Variants in RTEL1 observed in about 807,000 individuals in gnomAD.
RTEL1 encodes the protein regulator of telomere length.
A neutral mutation model predicts 162.2 loss-of-function variants in RTEL1; 86 were observed. The ratio of observed to expected loss-of-function variants is 0.53; its 90% CI spans 0.45 to 0.63. The LOEUF is 0.63. Ranked by LOEUF, RTEL1 falls within the 30% of genes least tolerant of loss-of-function variation. The pLI, the probability that RTEL1 is intolerant of heterozygous loss-of-function variation, is 0.00. For missense variants in RTEL1, 1,941 were observed against 1,750.2 expected (o/e 1.11, Z -1.95); for synonymous variants, 958 against 717.9 (o/e 1.33, Z -5.35).
chr20:63,686,215 G>T (rs1260130773), intron 16 of RTEL1, among the ~76,000 whole-genome samples: 2 of 152,370 alleles, frequency 1.3e-5, no homozygotes, highest in Non-Finnish European at 1.5e-5. Context: ...TCTGCCTGCT[G>T]CCTCCACGCA....
At chr20:63,677,472 G>C (rs530295216) in intron 10 of RTEL1, among the ~76,000 whole-genome samples, 2 of 152,116 alleles carry the variant, frequency 1.3e-5, no homozygotes, top group Non-Finnish European at 2.9e-5. Flanking sequence ...AAAATTAGCC[G>C]GGCATGGTGG....
chr20:63,667,462 T>A lies in RTEL1; in HGVS notation c.615-7T>A. On this transcript the variant is annotated splice_region_variant and splice_polypyrimidine_tract_variant and intron_variant, in intron 7 of 34. Coordinates refer to ENST00000360203, the MANE Select transcript of RTEL1 (RefSeq NM_001283009.2). ...GCTCACAGGATCTTCTCCTCTCTCC[T>A]TCCCAGGGTGTGCCCTTACTACCTG... 6.2e-7 allele frequency: 1 copy of A among 1,611,402 alleles called. No individual in the cohort carries two copies. Among genetic ancestry groups the A allele is most frequent in the East Asian group, 2.2e-5 (1 of 44,840 alleles).
At position 63,662,793 on chromosome 20, in the gene RTEL1, G is replaced by A. The variant is rs750799803; in HGVS notation, c.478-36G>A. ...GACTGGCTTCGGTCCTTTCTTGGCC[G>A]TGCTTCAGCTGCGCACTCTGCCCTT... is the stretch of plus-strand genomic sequence containing the variant. On this transcript the variant is annotated intron_variant, in intron 5 of 34. Coordinates refer to ENST00000360203, the MANE Select transcript of RTEL1 (RefSeq NM_001283009.2). 22 of 1,612,292 alleles carry A rather than the reference G, an allele frequency of 1.4e-5. No homozygotes were observed. The East Asian group carries it at 3.3e-4, about 24-fold the overall frequency.
chr20:63,677,565 A>G (rs1465073158), intron 10 of RTEL1, among the ~76,000 whole-genome samples: 1 of 152,224 alleles, frequency 6.6e-6, no homozygotes, highest in African/African-American at 2.4e-5. Context: ...GTGAGCAGAG[A>G]TGGCGCTGCT....
chr20:63,681,531 G>A, intron 14 of RTEL1: 6 of 985,224 alleles, frequency 6.1e-6, no homozygotes, highest in Non-Finnish European at 7.2e-6. Context: ...CTTCATGAGT[G>A]TCCATCTGGC....
In RTEL1 at chr20:63,681,086, C is replaced by T. The variant is rs79669929; in HGVS notation, c.1191+367C>T. ...GCAGATGAAGAGCTCTGGACACACG[C>T]GGCTTCCTGAACAGCTTCTCCAGGG... On this transcript the variant is annotated intron_variant, in intron 14 of 34. Transcript: ENST00000360203. 6.8e-4 allele frequency: 668 copies of T among 985,436 alleles called. 8 individuals carry two copies. In the East Asian group the frequency reaches 0.027, roughly 40 times the overall value. The allele number at this position is 985,436 out of a possible 1,614,324, so 61.0% of individuals were successfully genotyped here. A position where few individuals can be genotyped will look rare whatever the true frequency, so the allele number is the denominator to read the frequency against.
chr20:63,694,287 C>A, intron 30 of RTEL1, 85 bp from the exon 31 acceptor site: 1 of 1,162,260 alleles, frequency 8.6e-7, no homozygotes, highest in South Asian at 1.2e-5. Flanking sequence ...TGAGGCCTGG[C>A]CTCCCTAGCC....
chr20:63,685,406 G>A, intron 14 of RTEL1, 117 bp from the exon 15 acceptor site: 2 of 1,022,006 alleles, frequency 2.0e-6, no homozygotes, highest in Non-Finnish European at 2.9e-6. Context: ...ATGATGGCAG[G>A]GGCCGGTGAA....
rs766018954 is a variant in RTEL1, at chr20:63,693,287, A to C, written c.2992+4A>C. On this transcript the variant is annotated splice_donor_region_variant and intron_variant, in intron 30 of 34. Transcript: ENST00000360203. The stretch of plus-strand genomic sequence containing the variant: ...CAGCCGGTCCTGGACCCCACTGGTA[A>C]ATGGGGCCCCAGGTGGGACCCTCAG... The C allele has an allele frequency of 6.2e-7, 1 of 1,611,454 alleles. No homozygotes were observed. Among genetic ancestry groups the C allele is most frequent in the Non-Finnish European group, 8.5e-7 (1 of 1,179,286 alleles).
intron 9 of RTEL1, 36 bp from the exon 10 acceptor site, chr20:63,673,904 C>G (rs2090294870): frequency 6.3e-7 from 1 of 1,583,486 alleles, no homozygotes; most frequent in Non-Finnish European, 8.6e-7. Context: ...CGATCCTGTC[C>G]TGTTCTGTGG....
Position 63,688,566 on chromosome 20 carries a change from G to A in RTEL1, c.1761G>A (p.Pro587=), listed in dbSNP as rs116900568. ...DLARKMEALK[P]LFVEPRSKGS... ...CCAGGAAGATGGAGGCGCTGAAGCCGCTGTTTGTGGAGCCCAGGAGCAAAG... is the reference window on the plus strand; with the variant it reads ...CCAGGAAGATGGAGGCGCTGAAGCCACTGTTTGTGGAGCCCAGGAGCAAAG... The change falls in exon 21 of 35, where the codon CCG becomes CCA. Residue 587 remains proline, a synonymous_variant. Coordinates refer to ENST00000360203, the MANE Select transcript of RTEL1 (RefSeq NM_001283009.2). 5,690 of 1,610,322 alleles carry A rather than the reference G, an allele frequency of 3.5e-3. 31 individuals are homozygous for A. Among genetic ancestry groups the A allele is most frequent in the Middle Eastern group, 0.021 (116 of 5,640 alleles).
chr20:63,688,928 A>G, intron 21 of RTEL1, 127 bp from the exon 22 acceptor site: 3 of 848,586 alleles, frequency 3.5e-6, no homozygotes, highest in Non-Finnish European at 5.7e-6. Context: ...AGAAGCTTCC[A>G]GAACCCGATT....
At chr20:63,680,525 C>G (rs1024538327) in intron 13 of RTEL1, 139 bp from the exon 14 acceptor site, 1 of 839,162 alleles carries the variant, frequency 1.2e-6, no homozygotes, top group Admixed American at 2.3e-5. Context: ...ATGGATGCTG[C>G]GCTCCACCCT....
At chr20:63,676,871 G>C (rs961509696) in intron 10 of RTEL1, among the ~76,000 whole-genome samples, 9 of 152,078 alleles carry the variant, frequency 5.9e-5, no homozygotes, top group Middle Eastern at 3.4e-3. Context: ...GGAGGCGGAG[G>C]TTGCAGTGAG....
In RTEL1 at chr20:63,668,075, C is replaced by G. The variant is rs2090172971; in HGVS notation, c.699+522C>G. On this transcript the variant is annotated intron_variant, in intron 8 of 34. Coordinates refer to ENST00000360203, the MANE Select transcript of RTEL1 (RefSeq NM_001283009.2). The surrounding 1 kb of genome is among the most constrained non-coding windows in gnomAD (Gnocchi z 4.3). Reference sequence around the variant, plus strand: ...CCTCCTCCCAGTGTGTGCCCAGCCCCACTCCCTTCCGCCCCGTGTGCCCAG... The same window carrying G: ...CCTCCTCCCAGTGTGTGCCCAGCCCGACTCCCTTCCGCCCCGTGTGCCCAG... Among the ~76,000 whole-genome samples the G allele has an allele frequency of 6.6e-6, 1 of 150,768 alleles. No homozygotes were observed. The highest frequency in any genetic ancestry group is 1.5e-5 in the Non-Finnish European group (1 of 67,624).
chr20:63,678,103 G>C (rs371242968), intron 10 of RTEL1, 42 bp from the exon 11 acceptor site: 4 of 1,613,310 alleles, frequency 2.5e-6, no homozygotes, highest in African/African-American at 1.3e-5. Flanking sequence ...TTGTTGGCAC[G>C]AGCGTGATGC....
At position 63,695,129 on chromosome 20, in the gene RTEL1, C is replaced by G. The variant is rs150686112; in HGVS notation, c.3407C>G (p.Thr1136Ser). ...TTCTCACAGACGTGCACAGACCTGA[C>G]CGGCCGGCCCTACCCGGGCATGGAG... ...QRFSQTCTDL[T>S]GRPYPGMEPP... is the part of the protein sequence containing the mutation. Residue 1136 changes from threonine (T) to serine (S), a missense_variant, in exon 33 of 35, where the codon ACC becomes AGC. Coordinates refer to ENST00000360203, the MANE Select transcript of RTEL1 (RefSeq NM_001283009.2). The G allele has an allele frequency of 1.0e-4, 168 of 1,612,292 alleles. No individual in the cohort carries two copies. Among genetic ancestry groups the G allele is most frequent in the Admixed American group, 5.0e-5 (3 of 60,000 alleles).
Position 63,667,968 on chromosome 20 carries a change from A to T in RTEL1, c.699+415A>T, listed in dbSNP as rs1057036116. ...CCCCTCCCAGCATGTGCCCGGCTTC[A>T]CACTCACTCCCCTCTTCCCAGTGCA... On this transcript the variant is annotated intron_variant, in intron 8 of 34. Transcript: ENST00000360203. Among the ~76,000 whole-genome samples the T allele has an allele frequency of 2.9e-5, 3 of 104,894 alleles. No homozygotes were observed. The Admixed American group carries it at 2.9e-4, about 10-fold the overall frequency. 68.8% of individuals were successfully genotyped at this position (104,894 alleles called of 152,430 possible).
intron 10 of RTEL1, 81 bp downstream of exon 10, chr20:63,674,174 C>A: frequency 6.6e-7 from 1 of 1,523,464 alleles, no homozygotes. Flanking sequence ...GCACGGACTC[C>A]CCCAGCCCAG....
Sources: allele counts gnomAD v4.1 joint callset (sites outside exome capture counted in the v4.1 genomes callset), GRCh38; gene constraint gnomAD v4.1.1; non-coding constraint Gnocchi (gnomAD v3.1); transcripts MANE v1.5; gene names NCBI Gene and HGNC (gene_info 2026-07-23, HGNC 2026-07-21).